DMD: variants seen among roughly 807,000 people sequenced by gnomAD.
The protein encoded by DMD is dystrophin, also known as mutant dystrophin.
Under a neutral mutation model 330.1 loss-of-function variants are expected in DMD, and 63 were observed. That is an observed-to-expected ratio of 0.19 (90% CI 0.16 to 0.24). The LOEUF is 0.24. DMD is among the 10% of genes least tolerant of loss of function. The pLI, the probability that DMD is intolerant of heterozygous loss-of-function variation, is 1.00. For missense variants in DMD, 3,344 were observed against 2,684.1 expected (o/e 1.25, Z -5.43); for synonymous variants, 1,223 against 959.8 (o/e 1.27, Z -5.07).
chrX:31,649,797 A>G (rs1378842233), intron 54 of DMD, among the ~76,000 whole-genome samples: 1 of 111,042 alleles, frequency 9.0e-6, no homozygotes, highest in Admixed American at 9.6e-5. Flanking sequence ...TGCTAAGTGT[A>G]CCTAAAGGAG....
chrX:32,377,942 T>C (rs1038308289), intron 34 of DMD, among the ~76,000 whole-genome samples: 3 of 111,186 alleles, frequency 2.7e-5, no homozygotes, highest in African/African-American at 9.8e-5. Context: ...TTGCTTTTCC[T>C]GAATGGCCCT....
intron 1 of DMD, among the ~76,000 whole-genome samples, chrX:33,087,863 C>A (rs1156877539): frequency 9.0e-6 from 1 of 110,742 alleles, no homozygotes; most frequent in Non-Finnish European, 1.9e-5. Context: ...TTTATGACTT[C>A]TTTATATTCA....
intron 44 of DMD, among the ~76,000 whole-genome samples, chrX:32,047,169 T>C (rs1469543244): frequency 9.0e-6 from 1 of 111,711 alleles, no homozygotes. Flanking sequence ...CTTTAGGACA[T>C]GTTTCTTCTT....
chrX:32,355,948 G>A (rs1308374207), intron 37 of DMD, among the ~76,000 whole-genome samples: 2 of 109,808 alleles, frequency 1.8e-5, no homozygotes, highest in Admixed American at 1.9e-4. Context: ...AATATATATA[G>A]CAAGAATACT....
At chrX:31,914,433 A>T (rs1326252509) in intron 47 of DMD, among the ~76,000 whole-genome samples, 1 of 112,300 alleles carries the variant, frequency 8.9e-6, no homozygotes, top group Non-Finnish European at 1.9e-5. Context: ...CTGCATTCCC[A>T]TGTTTATTGC....
chrX:31,692,627 C>T (rs769257904), intron 52 of DMD, among the ~76,000 whole-genome samples: 3 of 111,367 alleles, frequency 2.7e-5, no homozygotes, highest in African/African-American at 9.8e-5. Context: ...TAAGAGACTA[C>T]GATGAACAAT....
At chrX:32,353,596 A>G (rs772690378) in intron 37 of DMD, among the ~76,000 whole-genome samples, 1 of 111,625 alleles carries the variant, frequency 9.0e-6, no homozygotes, top group South Asian at 3.6e-4. Flanking sequence ...TGCACACAAA[A>G]TAGGTTTTAG....
At chrX:33,149,152 T>G in intron 1 of DMD, among the ~76,000 whole-genome samples, 1 of 110,421 alleles carries the variant, frequency 9.1e-6, no homozygotes, top group Non-Finnish European at 1.9e-5. Context: ...AAAATAATTA[T>G]GTAACTCACC....
chrX:31,293,220 T>TGTGTGTGGTCTGGTTTA (rs2053898360), intron 62 of DMD, among the ~76,000 whole-genome samples: 1 of 100,851 alleles, frequency 9.9e-6, no homozygotes, highest in African/African-American at 3.7e-5. Context: ...TGTGTGTGTG[T>TGTGTGTGGTCTGGTTTA]GTGTGTGTGT....
chrX:32,396,656 G>A (rs1057063444), intron 30 of DMD, among the ~76,000 whole-genome samples: 1 of 110,169 alleles, frequency 9.1e-6, no homozygotes, highest in Admixed American at 9.7e-5. Flanking sequence ...TTTGGAAAAA[G>A]GCTATCAAAT....
At chrX:32,729,594 CAT>C (rs760041987) in intron 7 of DMD, among the ~76,000 whole-genome samples, 22 of 111,561 alleles carry the variant, frequency 2.0e-4, no homozygotes, top group Non-Finnish European at 7.5e-5. Flanking sequence ...TTCCACATTT[CAT>C]ATATCATCTC....
At chrX:31,634,181 A>G (rs1449415995) in intron 54 of DMD, among the ~76,000 whole-genome samples, 1 of 112,400 alleles carries the variant, frequency 8.9e-6, no homozygotes, top group African/African-American at 3.2e-5. Context: ...CTCCTACCCA[A>G]ACTATTGCAG....
Position 31,627,908 on chromosome X carries a change from G to A in DMD, c.8028-46C>T, listed in dbSNP as rs1419961333. 5 of 1,115,808 alleles carry A rather than the reference G, an allele frequency of 4.5e-6. No homozygotes were observed. In the South Asian group the frequency reaches 9.6e-5, roughly 21 times the overall value. The allele number at this position is 1,115,808 out of a possible 1,213,427, so 92.0% of individuals were successfully genotyped here. On this transcript the variant is annotated intron_variant, in intron 54 of 78. Transcript: ENST00000357033. ...AGATGCAATTATTAAATATCAGAAT[G>A]GTGCACCTAGTGAACTCCATAAAAA...
chrX:32,069,908 A>T (rs183774066), intron 44 of DMD, among the ~76,000 whole-genome samples: 15 of 111,836 alleles, frequency 1.3e-4, no homozygotes, highest in Admixed American at 1.3e-3. Flanking sequence ...GTGTTGCTAC[A>T]TTTTCACCCT....
intron 44 of DMD, among the ~76,000 whole-genome samples, chrX:32,087,875 T>C (rs1279154007): frequency 8.9e-6 from 1 of 112,455 alleles, no homozygotes; most frequent in African/African-American, 3.2e-5. Flanking sequence ...CTGCTACATC[T>C]AGACAATGAC....
intron 18 of DMD, among the ~76,000 whole-genome samples, chrX:32,511,945 G>T (rs1470119523): frequency 9.0e-6 from 1 of 111,715 alleles, no homozygotes; most frequent in Non-Finnish European, 1.9e-5. Context: ...TTCAAGTAAA[G>T]TATACAGAAG....
chrX:32,418,779 C>T (rs2098176401), intron 29 of DMD, among the ~76,000 whole-genome samples: 1 of 107,391 alleles, frequency 9.3e-6, no homozygotes, highest in African/African-American at 3.5e-5. Context: ...CGAAACCATC[C>T]TGGCTGACAC....
chrX:32,531,378 G>T (rs1439820354), intron 17 of DMD, among the ~76,000 whole-genome samples: 1 of 111,223 alleles, frequency 9.0e-6, no homozygotes, highest in South Asian at 3.8e-4. Flanking sequence ...ACTAATTTTT[G>T]AATGTTTAGT....
At chrX:31,318,565 A>T (rs2056206742) in intron 62 of DMD, among the ~76,000 whole-genome samples, 1 of 112,510 alleles carries the variant, frequency 8.9e-6, no homozygotes, top group Admixed American at 9.4e-5. Context: ...GGTTGTGGAA[A>T]CATGCCTGAG....
Sources: allele counts gnomAD v4.1 joint callset (sites outside exome capture counted in the v4.1 genomes callset), GRCh38; gene constraint gnomAD v4.1.1; transcripts MANE v1.5; gene names NCBI Gene and HGNC (gene_info 2026-07-23, HGNC 2026-07-21).